The following NET1 variants were observed in gnomAD, a reference collection of about 807,000 sequenced individuals.
The protein encoded by NET1 is neuroepithelial cell transforming 1, also known as neuroepithelial cell-transforming gene 1 protein.
Under a neutral mutation model 61.1 loss-of-function variants are expected in NET1, and 42 were observed. The ratio of observed to expected loss-of-function variants is 0.69; its 90% confidence interval spans 0.54 to 0.89. The LOEUF (loss-of-function observed/expected upper bound fraction) is 0.89, where lower values mean the gene tolerates loss of function less well. Among genes scored for constraint, NET1 ranks in the 40% least tolerant of loss-of-function variants. NET1 has a pLI of 0.00. For synonymous variants in NET1, 254 were observed against 281.8 expected (o/e 0.90, Z 0.99); for missense variants, 654 against 747.3 (o/e 0.88, Z 1.46).
In NET1 at chr10:5,455,426, T is replaced by G. The variant is rs1022216117; in HGVS notation, c.1197+308T>G. Among the ~76,000 whole-genome samples the G allele has an allele frequency of 6.6e-5, 10 of 152,218 alleles. No homozygotes were observed. The highest frequency in any genetic ancestry group is 3.9e-4 in the Admixed American group (6 of 15,282). On this transcript the variant is annotated intron_variant, in intron 10 of 11. Coordinates refer to ENST00000355029, the MANE Select transcript of NET1 (RefSeq NM_001047160.3). This position sits in a 1 kb window ranked among gnomAD's most constrained non-coding sequence, Gnocchi z 6.5. Reference sequence around the variant, plus strand: ...TAAAAAAGCATCCTTCAAAAAAAACTTCTAAGAGTTTATCTTATGCTTATG... The same window carrying G: ...TAAAAAAGCATCCTTCAAAAAAAACGTCTAAGAGTTTATCTTATGCTTATG...
Position 5,452,429 on chromosome 10 carries a change from A to G in NET1, c.435A>G (p.Pro145=), listed in dbSNP as rs1300625715. Residue 145 remains proline (P), a synonymous_variant, in exon 5 of 12, where the codon CCA becomes CCG. Transcript: ENST00000355029. This position sits in a 1 kb window ranked among gnomAD's most constrained non-coding sequence, Gnocchi z 4.0. ...AGTTTTCTAGCAGGTCAACAGTCCC[A>G]ACACCCGCCAAGAGAAGGAGCAGTG... ...AQKFSSRSTV[P]TPAKRRSSAL... is the part of the protein sequence containing the mutation. 2 of 1,614,012 alleles carry G rather than the reference A, an allele frequency of 1.2e-6. No individual in the cohort carries two copies. The highest frequency in any genetic ancestry group is 1.7e-6 in the Non-Finnish European group (2 of 1,180,016).
rs1832614060 is a variant in NET1 at position 5,446,614 on chromosome 10, C to T, written c.256-5216C>T. The T allele has an allele frequency of 8.0e-7, 1 of 1,249,456 alleles. No individual in the cohort carries two copies. Among genetic ancestry groups the T allele is most frequent in the African/African-American group, 1.5e-5 (1 of 65,510 alleles). The allele number at this position is 1,249,456 out of a possible 1,614,324, so 77.4% of individuals were successfully genotyped here. On this transcript the variant is annotated intron_variant, in intron 3 of 11. Transcript: ENST00000355029. The surrounding 1 kb of genome is among the most constrained non-coding windows in gnomAD (Gnocchi z 5.0). ...GCTTGCTGCCTGCGGCTCTCAGAAG[C>T]CTCTGCTCCACCGCGGCGAGAGGCA... is the stretch of plus-strand genomic sequence containing the variant.
chr10:5,450,431 T>TA (rs1006327887), intron 3 of NET1, among the ~76,000 whole-genome samples: 34 of 152,042 alleles, frequency 2.2e-4, no homozygotes, highest in African/African-American at 7.5e-4. Context: ...AATAATTAAT[T>TA]AAAAAAAATT....
rs1388930865 is a variant in NET1, at chr10:5,449,068, G to A, written c.256-2762G>A. 6.6e-6 allele frequency among the ~76,000 whole-genome samples: 1 copy of A among 152,104 alleles called. No homozygotes were observed. Among genetic ancestry groups the A allele is most frequent in the Non-Finnish European group, 1.5e-5 (1 of 68,020 alleles). ...ACAAATTTTTGTCCCAATCTTTTAGGTGGCCTGTGAATGCCTAAACCATGT... is the reference window on the plus strand; with the variant it reads ...ACAAATTTTTGTCCCAATCTTTTAGATGGCCTGTGAATGCCTAAACCATGT... On this transcript the variant is annotated intron_variant, in intron 3 of 11. Transcript: ENST00000355029. This position sits in a 1 kb window ranked among gnomAD's most constrained non-coding sequence, Gnocchi z 4.4.
intron 1 of NET1, among the ~76,000 whole-genome samples, chr10:5,414,178 C>A (rs1832043927): frequency 6.6e-6 from 1 of 151,886 alleles, no homozygotes; most frequent in Non-Finnish European, 1.5e-5. Context: ...GGAGAGGAAA[C>A]CAATATGGGG....
Position 5,431,411 on chromosome 10 carries a change from A to T in NET1, c.255+2182A>T, listed in dbSNP as rs1004834292. Among the ~76,000 whole-genome samples, 5 of 151,954 alleles carry T rather than the reference A, an allele frequency of 3.3e-5. No individual in the cohort carries two copies. Among genetic ancestry groups the T allele is most frequent in the Non-Finnish European group, 7.4e-5 (5 of 68,008 alleles). ...CCAGTGTGGGTTTTTTGGGCCATGT[A>T]CTTACCTCAAAAAGTATGTAATGCC... is the stretch of plus-strand genomic sequence containing the variant. On this transcript the variant is annotated intron_variant, in intron 3 of 11. Transcript: ENST00000355029. The surrounding 1 kb of genome is among the most constrained non-coding windows in gnomAD (Gnocchi z 4.9).
Position 5,453,585 on chromosome 10 carries a change from G to A in NET1, c.768+25G>A, listed in dbSNP as rs902373033. On this transcript the variant is annotated intron_variant, in intron 8 of 11. Transcript: ENST00000355029. The surrounding 1 kb of genome is among the most constrained non-coding windows in gnomAD (Gnocchi z 4.9). ...GGTATGTAGTGAGTTGTTGACCCCA[G>A]ATACAGTTTCTTACAGATGTGCCAT... is the stretch of plus-strand genomic sequence containing the variant. 3 of 1,600,084 alleles carry A rather than the reference G, an allele frequency of 1.9e-6. No individual in the cohort carries two copies. The highest frequency in any genetic ancestry group is 1.1e-5 in the South Asian group (1 of 90,774).
rs933115047 is a variant in NET1, at chr10:5,439,282, G to T, written c.255+10053G>T. 6.6e-6 allele frequency among the ~76,000 whole-genome samples: 1 copy of T among 152,152 alleles called. No homozygotes were observed. The highest frequency in any genetic ancestry group is 2.1e-4 in the South Asian group (1 of 4,824). On this transcript the variant is annotated intron_variant, in intron 3 of 11. Coordinates refer to ENST00000355029, the MANE Select transcript of NET1 (RefSeq NM_001047160.3). This position sits in a 1 kb window ranked among gnomAD's most constrained non-coding sequence, Gnocchi z 4.8. ...CCTGAATGGGATGCAGTGCAATAGTGGTCCATTTTCTGCTCATACCAACAT... is the reference window on the plus strand; with the variant it reads ...CCTGAATGGGATGCAGTGCAATAGTTGTCCATTTTCTGCTCATACCAACAT...
rs1832178336 is a variant in NET1 at position 5,421,850 on chromosome 10, A to G, written c.129-4805A>G. On this transcript the variant is annotated intron_variant, in intron 1 of 11. Transcript: ENST00000355029. This position sits in a 1 kb window ranked among gnomAD's most constrained non-coding sequence, Gnocchi z 4.2. ...CTATAAATTTCTATTTTCAGGACAT[A>G]CAAGTGGAATCATACAATGTGTAGT... Among the ~76,000 whole-genome samples, 1 of 152,218 alleles carries G rather than the reference A, an allele frequency of 6.6e-6. No homozygotes were observed. Among genetic ancestry groups the G allele is most frequent in the Non-Finnish European group, 1.5e-5 (1 of 68,030 alleles).
rs556542206 is a variant in NET1, at chr10:5,439,589, A to C, written c.255+10360A>C. Among the ~76,000 whole-genome samples the C allele has an allele frequency of 1.2e-3, 179 of 152,280 alleles. 1 individual carries two copies. Among genetic ancestry groups the C allele is most frequent in the African/African-American group, 4.1e-3 (169 of 41,554 alleles). On this transcript the variant is annotated intron_variant, in intron 3 of 11. Coordinates refer to ENST00000355029, the MANE Select transcript of NET1 (RefSeq NM_001047160.3). The surrounding 1 kb of genome is among the most constrained non-coding windows in gnomAD (Gnocchi z 4.8). ...GTTTGTTTTGGGCACCTCTGATCGCACAGTTAAATGATGTCCTGTAGCCAG... is the reference window on the plus strand; with the variant it reads ...GTTTGTTTTGGGCACCTCTGATCGCCCAGTTAAATGATGTCCTGTAGCCAG...
chr10:5,426,612 A>G lies in NET1; in HGVS notation c.129-43A>G, dbSNP rs1230028035. On this transcript the variant is annotated intron_variant, in intron 1 of 11. Coordinates refer to ENST00000355029, the MANE Select transcript of NET1 (RefSeq NM_001047160.3). This position sits in a 1 kb window ranked among gnomAD's most constrained non-coding sequence, Gnocchi z 4.6. ...TATCTGTTTGATGCTCTATTATGCT[A>G]AAGTCAATCTCTTTATTTATTGTTT... 6.8e-7 allele frequency: 1 copy of G among 1,476,740 alleles called. No individual in the cohort carries two copies. The highest frequency in any genetic ancestry group is 1.2e-5 in the South Asian group (1 of 84,690). The allele number at this position is 1,476,740 out of a possible 1,614,324, so 91.5% of individuals were successfully genotyped here. A position where few individuals can be genotyped will look rare whatever the true frequency, so the allele number is the denominator to read the frequency against.
At position 5,456,571 on chromosome 10, in the gene NET1, C is replaced by A; in HGVS notation, c.1385-17C>A. Reference sequence around the variant, plus strand: ...TTTTAGCCTGATTTCTTTTTTTTTTCCAATTTTTTTTTTCAGCTAAAAATA... The same window carrying A: ...TTTTAGCCTGATTTCTTTTTTTTTTACAATTTTTTTTTTCAGCTAAAAATA... On this transcript the variant is annotated splice_polypyrimidine_tract_variant and intron_variant, in intron 11 of 11. Coordinates refer to ENST00000355029, the MANE Select transcript of NET1 (RefSeq NM_001047160.3). The surrounding 1 kb of genome is among the most constrained non-coding windows in gnomAD (Gnocchi z 7.0). 4 of 1,487,422 alleles carry A rather than the reference C, an allele frequency of 2.7e-6. No homozygotes were observed. The highest frequency in any genetic ancestry group is 3.6e-6 in the Non-Finnish European group (4 of 1,116,926). 92.1% of individuals were successfully genotyped at this position (1,487,422 alleles called of 1,614,324 possible).
In NET1 at chr10:5,412,788, G is replaced by C; in HGVS notation, c.96G>C (p.Ser32=). ...GLSTEGATGP[S]ADTSGSELDG... The stretch of plus-strand genomic sequence containing the variant: ...GCACGGAGGGAGCGACGGGGCCTTC[G>C]GCCGACACCTCCGGGTCGGAGCTGG... Residue 32 remains serine, a synonymous_variant, in exon 1 of 12, where the codon TCG becomes TCC. Transcript: ENST00000355029. The surrounding 1 kb of genome is among the most constrained non-coding windows in gnomAD (Gnocchi z 6.5). The C allele has an allele frequency of 6.9e-7, 1 of 1,453,890 alleles. No homozygotes were observed. The highest frequency in any genetic ancestry group is 1.5e-5 in the African/African-American group (1 of 67,376). The allele number at this position is 1,453,890 out of a possible 1,614,324, so 90.1% of individuals were successfully genotyped here.
chr10:5,413,980 G>T (rs954287860), intron 1 of NET1, among the ~76,000 whole-genome samples: 1 of 152,170 alleles, frequency 6.6e-6, no homozygotes, highest in Non-Finnish European at 1.5e-5. Context: ...ACTTAATCCT[G>T]ACTGGAGAGA....
chr10:5,456,421 A>G lies in NET1; in HGVS notation c.1384+148A>G. The G allele has an allele frequency of 9.7e-7, 1 of 1,030,720 alleles. No individual in the cohort carries two copies. 63.8% of individuals were successfully genotyped at this position (1,030,720 alleles called of 1,614,324 possible). A position where few individuals can be genotyped will look rare whatever the true frequency, so the allele number is the denominator to read the frequency against. On this transcript the variant is annotated intron_variant, in intron 11 of 11. Transcript: ENST00000355029. The surrounding 1 kb of genome is among the most constrained non-coding windows in gnomAD (Gnocchi z 7.0). ...GAGTTGTCCAGGCCTTCCCAGCTCGAACACCCGCAGGTGTATCTAAGAAAT... is the reference window on the plus strand; with the variant it reads ...GAGTTGTCCAGGCCTTCCCAGCTCGGACACCCGCAGGTGTATCTAAGAAAT...
rs552153453 is a variant in NET1, at chr10:5,443,427, A to G, written c.256-8403A>G. Among the ~76,000 whole-genome samples, 1 of 152,354 alleles carries G rather than the reference A, an allele frequency of 6.6e-6. No homozygotes were observed. Among genetic ancestry groups the G allele is most frequent in the Admixed American group, 6.5e-5 (1 of 15,310 alleles). ...AAATAACATATAGAACTCTAGCACA[A>G]AGTAAGACCTTAAATTTTTCTTCTA... On this transcript the variant is annotated intron_variant, in intron 3 of 11. Coordinates refer to ENST00000355029, the MANE Select transcript of NET1 (RefSeq NM_001047160.3). This position sits in a 1 kb window ranked among gnomAD's most constrained non-coding sequence, Gnocchi z 4.8.
chr10:5,413,855 C>T (rs1002634074), intron 1 of NET1, among the ~76,000 whole-genome samples: 1 of 151,894 alleles, frequency 6.6e-6, no homozygotes, highest in African/African-American at 2.4e-5. Flanking sequence ...ACTCTTGTTA[C>T]TATTTAAGAT....
chr10:5,454,117 A>G lies in NET1; in HGVS notation c.769-148A>G. 1 of 827,804 alleles carries G rather than the reference A, an allele frequency of 1.2e-6. No homozygotes were observed. Among genetic ancestry groups the G allele is most frequent in the Non-Finnish European group, 1.9e-6 (1 of 526,922 alleles). 51.3% of individuals were successfully genotyped at this position (827,804 alleles called of 1,614,324 possible). On this transcript the variant is annotated intron_variant, in intron 8 of 11. Coordinates refer to ENST00000355029, the MANE Select transcript of NET1 (RefSeq NM_001047160.3). The surrounding 1 kb of genome is among the most constrained non-coding windows in gnomAD (Gnocchi z 8.1). ...TTTGATGATTGCTAAAATGCTATTC[A>G]GCTTCCATTATTATCTGCCAGAAAA...
Position 5,457,302 on chromosome 10 carries a change from C to CTAA in NET1, c.*311_*313dup, listed in dbSNP as rs1832821794. 5.2e-6 allele frequency: 1 copy of CTAA among 192,276 alleles called. No homozygotes were observed. Among genetic ancestry groups the CTAA allele is most frequent in the African/African-American group, 2.3e-5 (1 of 43,006 alleles). 11.9% of individuals were successfully genotyped at this position (192,276 alleles called of 1,614,324 possible). Reference sequence around the variant, plus strand: ...TTAATTCTGGATTCATCATGGCTTTCTAATACCAATTGTAATATTTACAAT... The same window carrying CTAA: ...TTAATTCTGGATTCATCATGGCTTTCTAATAATACCAATTGTAATATTTACAAT... On this transcript the variant is annotated 3_prime_UTR_variant, in exon 12 of 12. Coordinates refer to ENST00000355029, the MANE Select transcript of NET1 (RefSeq NM_001047160.3). The surrounding 1 kb of genome is among the most constrained non-coding windows in gnomAD (Gnocchi z 5.4).
Sources: gnomAD v4.1 joint callset for allele counts (sites outside exome capture counted in the v4.1 genomes callset) on GRCh38, gnomAD v4.1.1 for gene constraint, Gnocchi (gnomAD v3.1) non-coding constraint, MANE v1.5 for transcripts, NCBI Gene and HGNC (gene_info 2026-07-23, HGNC 2026-07-21) for gene names.